Variants in RFPL1 observed in about 807,000 individuals in gnomAD.
RFPL1 encodes ret finger protein-like 1.
A neutral mutation model predicts 9.6 loss-of-function variants in RFPL1; 6 were observed. The observed-to-expected ratio is 0.62, with a 90% CI of 0.34 to 1.23. The LOEUF (loss-of-function observed/expected upper bound fraction) is 1.23, where lower values mean the gene tolerates loss of function less well. Ranked by LOEUF, RFPL1 falls within the 50% of genes most tolerant of loss-of-function variation. RFPL1 has a pLI of 0.03. For synonymous variants in RFPL1, 145 were observed against 149.4 expected, an observed-to-expected ratio of 0.97 and a Z score of 0.22; for missense variants, 352 against 398.4, an observed-to-expected ratio of 0.88 and a Z score of 0.99.
At chr22:29,403,407 G>A in the RFPL1 span, among the ~76,000 whole-genome samples, 1 of 152,260 alleles carries the variant, frequency 6.6e-6, no homozygotes, top group Non-Finnish European at 1.5e-5. Context: ...GTTGAGATGG[G>A]AAACCACTGG....
At chr22:29,390,824 T>C in the RFPL1 span, among the ~76,000 whole-genome samples, 6 of 151,148 alleles carry the variant, frequency 4.0e-5, no homozygotes, top group Non-Finnish European at 8.9e-5. Context: ...GGTCTGGCTC[T>C]CCTGACCTTG....
the RFPL1 span, among the ~76,000 whole-genome samples, chr22:29,414,239 C>CTTTTTTT: frequency 1.8e-5 from 2 of 111,642 alleles, no homozygotes; most frequent in Admixed American, 8.6e-5. Flanking sequence ...TTTCTTTTTT[C>CTTTTTTT]GAAGATGATA....
chr22:29,413,775 TTTTTA>T, the RFPL1 span, among the ~76,000 whole-genome samples: 1 of 152,224 alleles, frequency 6.6e-6, no homozygotes. Flanking sequence ...ACCCGTTGTG[TTTTTA>T]TTTTAATGTC....
the RFPL1 span, among the ~76,000 whole-genome samples, chr22:29,410,606 G>GATAT: frequency 0.025 from 2,675 of 107,486 alleles, 72 homozygotes; most frequent in South Asian, 0.058. Flanking sequence ...GATATATATA[G>GATAT]ATATATCTAT....
At chr22:29,415,221 G>A in the RFPL1 span, among the ~76,000 whole-genome samples, 2 of 150,782 alleles carry the variant, frequency 1.3e-5, no homozygotes. Context: ...ATAAAGGCAC[G>A]CCCGTTTGCC....
chr22:29,418,574 A>C, the RFPL1 span, among the ~76,000 whole-genome samples: 4 of 146,144 alleles, frequency 2.7e-5, no homozygotes, highest in African/African-American at 1.0e-4. Flanking sequence ...ATCTCAGCTG[A>C]ATGCACCCTC....
At chr22:29,440,352 T>G (rs1478530283) in intron 1 of RFPL1, 1 of 152,190 alleles carries the variant, frequency 6.6e-6, no homozygotes, top group Non-Finnish European at 1.5e-5. Context: ...AAATCTATAT[T>G]GGTGATCATC....
chr22:29,437,659 G>A, upstream of RFPL1: 4 of 1,594,258 alleles, frequency 2.5e-6, no homozygotes, highest in Non-Finnish European at 3.4e-6. Flanking sequence ...ACGCCCTCAT[G>A]TGCCCCTTCC....
chr22:29,418,590 C>T, the RFPL1 span, among the ~76,000 whole-genome samples: 1 of 150,432 alleles, frequency 6.6e-6, no homozygotes. Flanking sequence ...CCCTCTGTCT[C>T]CCAGGTTCAA....
chr22:29,428,488 T>C, the RFPL1 span, among the ~76,000 whole-genome samples: 2 of 152,178 alleles, frequency 1.3e-5, no homozygotes, highest in African/African-American at 4.8e-5. Context: ...ATAAGTCAGA[T>C]TGAAGCTGCA....
chr22:29,441,478 G>A (rs987861736), intron 1 of RFPL1, 64 bp from the exon 2 acceptor site: 19 of 1,526,398 alleles, frequency 1.2e-5, no homozygotes, highest in Non-Finnish European at 1.7e-5. Flanking sequence ...GGCCTTTGAA[G>A]TAGAGGAGAG....
the RFPL1 span, among the ~76,000 whole-genome samples, chr22:29,404,266 C>T: frequency 2.6e-5 from 4 of 152,144 alleles, no homozygotes; most frequent in Non-Finnish European, 5.9e-5. Context: ...CTGTTTTCTC[C>T]TTAACTTCAG....
At chr22:29,441,193 G>A in intron 1 of RFPL1, 1 of 289,384 alleles carries the variant, frequency 3.5e-6, no homozygotes, top group South Asian at 5.8e-5. Context: ...TCGACCATTT[G>A]CATTGTCTTA....
chr22:29,411,559 ACT>A, the RFPL1 span, among the ~76,000 whole-genome samples: 1 of 151,062 alleles, frequency 6.6e-6, no homozygotes, highest in Admixed American at 6.6e-5. Context: ...TGCCACACTG[ACT>A]CTCAACTTAA....
chr22:29,420,809 T>G, the RFPL1 span, among the ~76,000 whole-genome samples: 1 of 151,374 alleles, frequency 6.6e-6, no homozygotes, highest in Non-Finnish European at 1.5e-5. Context: ...CCCTCCTAAT[T>G]TTTGTATTTT....
the RFPL1 span, among the ~76,000 whole-genome samples, chr22:29,425,607 T>A: frequency 6.6e-6 from 1 of 152,082 alleles, no homozygotes. Flanking sequence ...CAGCTCAAAC[T>A]AGTGAAAAAA....
chr22:29,414,209 T>TC, the RFPL1 span, among the ~76,000 whole-genome samples: 1 of 38,966 alleles, frequency 2.6e-5, no homozygotes, highest in Admixed American at 2.0e-4. Context: ...CATATAACAT[T>TC]CCTTTTGCAC....
intron 1 of RFPL1, 163 bp downstream of exon 1, chr22:29,439,327 C>G (rs1306241252): frequency 5.4e-6 from 6 of 1,108,534 alleles, no homozygotes; most frequent in East Asian, 2.4e-5. Context: ...TACAGAATCA[C>G]CTGGTGATCT....
the RFPL1 span, among the ~76,000 whole-genome samples, chr22:29,427,498 C>A: frequency 6.6e-6 from 1 of 152,214 alleles, no homozygotes; most frequent in African/African-American, 2.4e-5. Flanking sequence ...ATCAGACAAC[C>A]AATGGATGCC....
Sources: allele counts gnomAD v4.1 joint callset (sites outside exome capture counted in the v4.1 genomes callset), GRCh38; gene constraint gnomAD v4.1.1; transcripts MANE v1.5; gene names NCBI Gene and HGNC (gene_info 2026-07-23, HGNC 2026-07-21).